OSBPL6: variants seen among roughly 807,000 people sequenced by gnomAD.
OSBPL6 encodes the protein oxysterol-binding protein-related protein 6.
A neutral mutation model predicts 125.8 loss-of-function variants in OSBPL6; 49 were observed. The observed-to-expected ratio is 0.39, with a 90% CI of 0.31 to 0.49. The LOEUF (loss-of-function observed/expected upper bound fraction) is 0.49, where lower values mean the gene tolerates loss of function less well. Among genes scored for constraint, OSBPL6 ranks in the 20% least tolerant of loss-of-function variants. OSBPL6 has a pLI of 0.88. For missense variants in OSBPL6, 986 were observed against 1,135.4 expected (o/e 0.87, Z 1.89); for synonymous variants, 394 against 391.8 (o/e 1.01, Z -0.07).
intron 16 of OSBPL6, 56 bp downstream of exon 16, chr2:178,382,563 A>C: frequency 1.2e-6 from 2 of 1,610,104 alleles, no homozygotes; most frequent in Non-Finnish European, 1.7e-6. Context: ...TTGCAACACG[A>C]AGACTTAATG....
At chr2:178,382,809 G>A in intron 16 of OSBPL6, 6 of 1,402,394 alleles carry the variant, frequency 4.3e-6, no homozygotes, top group Non-Finnish European at 5.6e-6. Flanking sequence ...AATGATATTT[G>A]AGTGTATCTA....
intron 15 of OSBPL6, among the ~76,000 whole-genome samples, chr2:178,375,443 A>G (rs1575007579): frequency 6.6e-6 from 1 of 151,914 alleles, no homozygotes. Flanking sequence ...TTGTTTTGAG[A>G]CAGAGTTTCG....
chr2:178,196,903 T>G (rs1231539619), intron 1 of OSBPL6, among the ~76,000 whole-genome samples: 1 of 152,190 alleles, frequency 6.6e-6, no homozygotes, highest in Non-Finnish European at 1.5e-5. Flanking sequence ...TTTTTTTTCC[T>G]CACTCAATAT....
Position 178,286,037 on chromosome 2 carries a change from T to C in OSBPL6, c.-156+916T>C, listed in dbSNP as rs556495650. 2.0e-5 allele frequency among the ~76,000 whole-genome samples: 3 copies of C among 152,330 alleles called. No homozygotes were observed. In the South Asian group the frequency reaches 6.2e-4, roughly 32 times the overall value. On this transcript the variant is annotated intron_variant, in intron 2 of 24. Transcript: ENST00000190611. Reference sequence around the variant, plus strand: ...TCATTGTTATATTAGAAGCTTTCTGTTTATTACTGTATTGTTTAAAAGCGC... The same window carrying C: ...TCATTGTTATATTAGAAGCTTTCTGCTTATTACTGTATTGTTTAAAAGCGC...
At chr2:178,354,125 C>T (rs953072595) in intron 12 of OSBPL6, among the ~76,000 whole-genome samples, 7 of 152,124 alleles carry the variant, frequency 4.6e-5, no homozygotes, top group South Asian at 4.2e-4. Flanking sequence ...CCAGCCACTG[C>T]GAAAACATGC....
Position 178,274,910 on chromosome 2 carries a change from A to T in OSBPL6, c.-350-10017A>T, listed in dbSNP as rs1437509111. Among the ~76,000 whole-genome samples, 5 of 151,304 alleles carry T rather than the reference A, an allele frequency of 3.3e-5. No homozygotes were observed. In the South Asian group the frequency reaches 6.2e-4, roughly 19 times the overall value. On this transcript the variant is annotated intron_variant, in intron 1 of 24. Coordinates refer to ENST00000190611, the MANE Select transcript of OSBPL6 (RefSeq NM_032523.4). ...TCTAGGACCATGATTTTTTTTTTTT[A>T]AATGAAAGACACAGAAATTTTTGTA...
intron 1 of OSBPL6, among the ~76,000 whole-genome samples, chr2:178,239,553 G>A (rs1040140480): frequency 6.6e-6 from 1 of 151,656 alleles, no homozygotes; most frequent in African/African-American, 2.4e-5. Context: ...ATAACAGTGA[G>A]ACCCCTGTTC....
chr2:178,319,482 T>G (rs1234837733), intron 3 of OSBPL6, among the ~76,000 whole-genome samples: 1 of 152,240 alleles, frequency 6.6e-6, no homozygotes. Flanking sequence ...GAAGGCCATA[T>G]ATACAAGCTT....
intron 1 of OSBPL6, among the ~76,000 whole-genome samples, chr2:178,216,924 G>T (rs1024220934): frequency 8.5e-5 from 13 of 152,160 alleles, no homozygotes; most frequent in African/African-American, 2.9e-4. Context: ...CACTGAAGAA[G>T]AGATTGGATA....
intron 1 of OSBPL6, among the ~76,000 whole-genome samples, chr2:178,251,352 C>T (rs946422784): frequency 1.3e-5 from 2 of 151,406 alleles, no homozygotes; most frequent in African/African-American, 4.9e-5. Context: ...GCAACGGTTA[C>T]TATGGTTCTT....
chr2:178,396,063 ATGT>A lies in OSBPL6; in HGVS notation c.*505_*507del, dbSNP rs1695828230. 1 of 224,932 alleles carries A rather than the reference ATGT, an allele frequency of 4.4e-6. No homozygotes were observed. The highest frequency in any genetic ancestry group is 4.9e-5 in the Admixed American group (1 of 20,286). 13.9% of individuals were successfully genotyped at this position (224,932 alleles called of 1,614,324 possible). On this transcript the variant is annotated 3_prime_UTR_variant, in exon 25 of 25. Coordinates refer to ENST00000190611, the MANE Select transcript of OSBPL6 (RefSeq NM_032523.4). ...GATTGTGCTGGCCTTGTCGAAAAAG[ATGT>A]GATGCTTCTCAGAACCTGTTCCATC...
chr2:178,295,884 A>G (rs1287383552), intron 2 of OSBPL6, among the ~76,000 whole-genome samples: 6 of 152,194 alleles, frequency 3.9e-5, no homozygotes. Context: ...GCAGTATAAA[A>G]ACCATTTAGG....
intron 1 of OSBPL6, among the ~76,000 whole-genome samples, chr2:178,218,353 A>G (rs1032021777): frequency 6.6e-6 from 1 of 151,400 alleles, no homozygotes; most frequent in Non-Finnish European, 1.5e-5. Flanking sequence ...TTGTTGGGTG[A>G]GTCCTTCTTA....
intron 11 of OSBPL6, among the ~76,000 whole-genome samples, chr2:178,342,478 T>A (rs1280867607): frequency 3.3e-5 from 5 of 152,206 alleles, no homozygotes; most frequent in Admixed American, 6.5e-5. Context: ...GTGCTATTGA[T>A]TAAATGAGAA....
intron 15 of OSBPL6, 87 bp from the exon 16 acceptor site, chr2:178,382,333 A>C: frequency 1.4e-6 from 2 of 1,462,990 alleles, no homozygotes; most frequent in South Asian, 2.8e-5. Flanking sequence ...CACTGGAACA[A>C]TATTTTGTTA....
chr2:178,388,075 TCATAAACTTTG>T (rs1695101205), intron 20 of OSBPL6, among the ~76,000 whole-genome samples: 1 of 152,148 alleles, frequency 6.6e-6, no homozygotes, highest in Non-Finnish European at 1.5e-5. Flanking sequence ...TCATACCAAT[TCATAAACTTTG>T]CAGAAACTTA....
At chr2:178,266,086 G>A (rs1185038632) in intron 1 of OSBPL6, among the ~76,000 whole-genome samples, 2 of 152,140 alleles carry the variant, frequency 1.3e-5, no homozygotes, top group African/African-American at 2.4e-5. Context: ...AGTGTTTTTC[G>A]GGCCAAGGAA....
At chr2:178,377,293 G>A (rs560539034) in intron 15 of OSBPL6, among the ~76,000 whole-genome samples, 1 of 152,226 alleles carries the variant, frequency 6.6e-6, no homozygotes, top group East Asian at 1.9e-4. Flanking sequence ...AGAGCAAGGT[G>A]GGAGTTGCTA....
chr2:178,381,502 T>A (rs1256000863), intron 15 of OSBPL6, among the ~76,000 whole-genome samples: 2 of 152,070 alleles, frequency 1.3e-5, no homozygotes, highest in Non-Finnish European at 2.9e-5. Flanking sequence ...TGCAGGCGCA[T>A]GCCACCACAC....
Sources: allele counts gnomAD v4.1 joint callset (sites outside exome capture counted in the v4.1 genomes callset), GRCh38; gene constraint gnomAD v4.1.1; transcripts MANE v1.5; gene names NCBI Gene and HGNC (gene_info 2026-07-23, HGNC 2026-07-21).